Variants in CCDC148 observed in about 807,000 individuals in gnomAD.
The protein encoded by CCDC148 is coiled-coil domain-containing protein 148.
CCDC148 carries 89 observed loss-of-function variants against 85.7 expected under a neutral mutation model. The observed-to-expected ratio is 1.04, with a 90% CI of 0.87 to 1.24. The LOEUF is 1.24. Among genes scored for constraint, CCDC148 ranks in the 50% most tolerant of loss-of-function variants. The probability of loss-of-function intolerance (pLI) is 0.00; values close to 1 mark genes in which losing one functional copy is unlikely to be tolerated. For missense variants in CCDC148, 692 were observed against 671.7 expected (o/e 1.03, Z -0.33); for synonymous variants, 230 against 213.9 (o/e 1.08, Z -0.66).
chr2:158,425,970 C>G (rs1366370886), intron 1 of CCDC148, among the ~76,000 whole-genome samples: 1 of 152,070 alleles, frequency 6.6e-6, no homozygotes, highest in African/African-American at 2.4e-5. Flanking sequence ...GGAAAGCCAT[C>G]TTTGAATTGC....
intron 1 of CCDC148, among the ~76,000 whole-genome samples, chr2:158,402,415 A>C (rs1685821631): frequency 7.4e-6 from 1 of 135,792 alleles, no homozygotes; most frequent in Admixed American, 8.1e-5. Flanking sequence ...GGCTTTGTTA[A>C]ATACAGAGAA....
At position 158,287,445 on chromosome 2, in the gene CCDC148, C is replaced by T. The variant is rs575884294; in HGVS notation, c.1110+21988G>A. Among the ~76,000 whole-genome samples the T allele has an allele frequency of 3.9e-5, 6 of 152,268 alleles. 1 individual carries two copies. The South Asian group carries it at 1.2e-3, about 32-fold the overall frequency. ...TAGAAAATCAAAAGCAAGTTAGTTA[C>T]TTACTAGATACAGTGGGGGTACAGG... On this transcript the variant is annotated intron_variant, in intron 9 of 13. Coordinates refer to ENST00000283233, the MANE Select transcript of CCDC148 (RefSeq NM_138803.4).
intron 11 of CCDC148, among the ~76,000 whole-genome samples, chr2:158,209,911 C>T (rs1686467414): frequency 7.6e-6 from 1 of 132,180 alleles, no homozygotes; most frequent in South Asian, 2.2e-4. Flanking sequence ...AACTAATGGG[C>T]AAAATAACCA....
At chr2:158,352,345 G>C (rs1683358469) in intron 2 of CCDC148, among the ~76,000 whole-genome samples, 1 of 152,108 alleles carries the variant, frequency 6.6e-6, no homozygotes, top group Admixed American at 6.6e-5. Flanking sequence ...TTAGAAGAAT[G>C]TATAACTAGA....
intron 1 of CCDC148, among the ~76,000 whole-genome samples, chr2:158,424,484 G>A (rs537415930): frequency 4.6e-5 from 7 of 151,926 alleles, no homozygotes; most frequent in Admixed American, 2.0e-4. Flanking sequence ...ACCAAACACC[G>A]CATGTTCTCA....
intron 10 of CCDC148, among the ~76,000 whole-genome samples, chr2:158,238,034 G>A (rs930478219): frequency 4.6e-5 from 7 of 151,810 alleles, no homozygotes; most frequent in Admixed American, 1.3e-4. Context: ...TGGCAAGTGC[G>A]ACATTGCTGG....
rs62182645 is a variant in CCDC148, at chr2:158,278,791, C to T, written c.1111-27879G>A. Reference sequence around the variant, plus strand: ...AGAGAGCAGTGGTTCTCCCAGCACGCGGATGGAGATCTGAGAACGGGCAGA... The same window carrying T: ...AGAGAGCAGTGGTTCTCCCAGCACGTGGATGGAGATCTGAGAACGGGCAGA... On this transcript the variant is annotated intron_variant, in intron 9 of 13. Coordinates refer to ENST00000283233, the MANE Select transcript of CCDC148 (RefSeq NM_138803.4). Among the ~76,000 whole-genome samples the T allele has an allele frequency of 1.0e-3, 159 of 152,342 alleles. 1 individual carries two copies. The highest frequency in any genetic ancestry group is 1.5e-3 in the Admixed American group (23 of 15,300).
At chr2:158,411,887 G>A (rs1423951671) in intron 1 of CCDC148, among the ~76,000 whole-genome samples, 2 of 152,148 alleles carry the variant, frequency 1.3e-5, no homozygotes, top group African/African-American at 2.4e-5. Flanking sequence ...GGTGGGATGT[G>A]CAGCAGTGCT....
Position 158,279,081 on chromosome 2 carries a change from A to T in CCDC148, c.1111-28169T>A, listed in dbSNP as rs1301269448. Among the ~76,000 whole-genome samples the T allele has an allele frequency of 3.9e-5, 6 of 152,352 alleles. No individual in the cohort carries two copies. In the East Asian group the frequency reaches 9.6e-4, roughly 25 times the overall value. On this transcript the variant is annotated intron_variant, in intron 9 of 13. Transcript: ENST00000283233. ...GCACCTGAGGGTCCTGTCTGTTAGA[A>T]GGAAAACTAACAAACAGAAAGGACA...
At chr2:158,442,564 A>C (rs368188640) in intron 1 of CCDC148, among the ~76,000 whole-genome samples, 1 of 152,218 alleles carries the variant, frequency 6.6e-6, no homozygotes, top group Non-Finnish European at 1.5e-5. Flanking sequence ...TCCTCTTCTC[A>C]TCAGGCTTTT....
intron 1 of CCDC148, among the ~76,000 whole-genome samples, chr2:158,360,830 C>T (rs13386534): frequency 0.18 from 26,946 of 151,672 alleles, 3,930 homozygotes; most frequent in African/African-American, 0.4. Flanking sequence ...ATCAATTTGA[C>T]GAACTGACAG....
intron 11 of CCDC148, among the ~76,000 whole-genome samples, chr2:158,183,298 T>C (rs1359614227): frequency 2.0e-5 from 3 of 152,170 alleles, no homozygotes; most frequent in Admixed American, 2.0e-4. Context: ...TTATGTATCA[T>C]TTATGAGACA....
chr2:158,230,165 A>T (rs10445834), intron 10 of CCDC148, among the ~76,000 whole-genome samples: 3,977 of 152,316 alleles, frequency 0.026, 70 homozygotes, highest in Middle Eastern at 0.041. Context: ...TGAGCACATG[A>T]TAACTGGTAC....
At chr2:158,340,460 T>G in intron 4 of CCDC148, 67 bp from the exon 5 acceptor site, 5 of 1,542,256 alleles carry the variant, frequency 3.2e-6, no homozygotes, top group Non-Finnish European at 4.4e-6. Flanking sequence ...AAACAGATCA[T>G]TAGAGTACAG....
rs59823951 is a variant in CCDC148, at chr2:158,264,917, T to C, written c.1111-14005A>G. 7.4e-3 allele frequency among the ~76,000 whole-genome samples: 1,125 copies of C among 152,234 alleles called. 19 individuals are homozygous for C. The highest frequency in any genetic ancestry group is 0.026 in the African/African-American group (1,073 of 41,554). On this transcript the variant is annotated intron_variant, in intron 9 of 13. Transcript: ENST00000283233. ...ACGTGCATTATTCTGAATTCATTTGTTTTATGTTCAAGATTTAGCCAGTTT... is the reference window on the plus strand; with the variant it reads ...ACGTGCATTATTCTGAATTCATTTGCTTTATGTTCAAGATTTAGCCAGTTT...
At chr2:158,213,356 G>T (rs1487137275) in intron 11 of CCDC148, among the ~76,000 whole-genome samples, 2 of 152,120 alleles carry the variant, frequency 1.3e-5, no homozygotes, top group African/African-American at 4.8e-5. Context: ...ATTAAAATTA[G>T]CACAAAGGAG....
intron 7 of CCDC148, among the ~76,000 whole-genome samples, chr2:158,319,412 G>A (rs1559067544): frequency 6.6e-6 from 1 of 152,164 alleles, no homozygotes; most frequent in South Asian, 2.1e-4. Context: ...AAATGTGAGG[G>A]GAAGTCCTCT....
intron 9 of CCDC148, among the ~76,000 whole-genome samples, chr2:158,299,247 T>C (rs1574576075): frequency 6.6e-6 from 1 of 152,182 alleles, no homozygotes; most frequent in East Asian, 1.9e-4. Flanking sequence ...CTCTCAAATC[T>C]CTATTTGGTT....
chr2:158,224,407 G>A (rs1440565809), intron 10 of CCDC148, among the ~76,000 whole-genome samples: 1 of 152,164 alleles, frequency 6.6e-6, no homozygotes, highest in Admixed American at 6.5e-5. Flanking sequence ...TATTATCCAG[G>A]AGTACTTCCC....
Sources: allele counts gnomAD v4.1 joint callset (sites outside exome capture counted in the v4.1 genomes callset), GRCh38; gene constraint gnomAD v4.1.1; transcripts MANE v1.5; gene names NCBI Gene and HGNC (gene_info 2026-07-23, HGNC 2026-07-21).